Variants in NBPF26 observed in about 807,000 individuals in gnomAD.
NBPF26 encodes NBPF family member NBPF26.
Under a neutral mutation model 119.6 loss-of-function variants are expected in NBPF26, and 79 were observed. The observed-to-expected ratio is 0.66, with a 90% confidence interval of 0.55 to 0.80. NBPF26 has a LOEUF of 0.80. Among genes scored for constraint, NBPF26 ranks in the 30% least tolerant of loss-of-function variants. The pLI is 0.00. For missense variants in NBPF26, 800 were observed against 1,198.2 expected, an observed-to-expected ratio of 0.67 and a Z score of 4.91; for synonymous variants, 299 against 457.7, an observed-to-expected ratio of 0.65 and a Z score of 4.43.
intron 2 of NBPF26, among the ~76,000 whole-genome samples, chr1:120,765,293 C>G (rs1261394589): frequency 1.4e-5 from 1 of 69,910 alleles, no homozygotes; most frequent in Non-Finnish European, 2.5e-5. Context: ...CATTTGGTGC[C>G]TTAGTTGCTT....
Position 120,804,668 on chromosome 1 carries a change from G to A in NBPF26, c.752-888G>A, listed in dbSNP as rs1385075489. ...CTATAAGTGACAAGTTTAAAATGTA[G>A]TGCTCAGTGACATTAAAAAACACAT... On this transcript the variant is annotated intron_variant, in intron 4 of 29. Coordinates refer to ENST00000620612, the Ensembl canonical transcript of NBPF26. Among the ~76,000 whole-genome samples the A allele has an allele frequency of 3.3e-5, 4 of 119,906 alleles. 1 individual carries two copies. Among genetic ancestry groups the A allele is most frequent in the African/African-American group, 8.9e-5 (2 of 22,428 alleles). 78.7% of individuals were successfully genotyped at this position (119,906 alleles called of 152,430 possible).
chr1:120,743,763 G>C (rs1650955552), intron 1 of NBPF26, among the ~76,000 whole-genome samples: 2 of 123,646 alleles, frequency 1.6e-5, no homozygotes, highest in Middle Eastern at 3.6e-3. Context: ...CTGCATTCCA[G>C]AAGTTCTGGT....
At chr1:120,840,203 A>G (rs1652479098) in intron 29 of NBPF26, 147 bp from the exon 36 acceptor site, 1 of 1,150,480 alleles carries the variant, frequency 8.7e-7, no homozygotes, top group Non-Finnish European at 1.2e-6. Flanking sequence ...ATCCCAACAT[A>G]AAGGCAATAA....
At position 120,763,179 on chromosome 1, in the gene NBPF26, T is replaced by G. The variant is rs1651151647; in HGVS notation, c.74-449T>G. On this transcript the variant is annotated intron_variant, in intron 1 of 29. Coordinates refer to ENST00000620612, the Ensembl canonical transcript of NBPF26. ...TGTTATTGCTGTTTCTGATTACTTCTTGAAGCGGTCTGTTTTAAAACTTCA... is the reference window on the plus strand; with the variant it reads ...TGTTATTGCTGTTTCTGATTACTTCGTGAAGCGGTCTGTTTTAAAACTTCA... 8.3e-5 allele frequency among the ~76,000 whole-genome samples: 3 copies of G among 35,946 alleles called. 1 individual carries two copies. Among genetic ancestry groups the G allele is most frequent in the Non-Finnish European group, 1.4e-4 (3 of 20,866 alleles). 23.6% of individuals were successfully genotyped at this position (35,946 alleles called of 152,430 possible).
In NBPF26 at chr1:120,724,069, G is replaced by A. The variant is rs1650784630; in HGVS notation, c.-109G>A. On this transcript the variant is annotated 5_prime_UTR_variant, in exon 1 of 30. Coordinates refer to ENST00000620612, the Ensembl canonical transcript of NBPF26. ...CAGGGCCTGAGCCTTTGAAGCAGGAGGAGGGGAGGAGAGAGTGGGGCTCCT... is the reference window on the plus strand; with the variant it reads ...CAGGGCCTGAGCCTTTGAAGCAGGAAGAGGGGAGGAGAGAGTGGGGCTCCT... The A allele has an allele frequency of 1.9e-5, 25 of 1,295,724 alleles. 4 individuals are homozygous for A. The highest frequency in any genetic ancestry group is 3.3e-5 in the Admixed American group (1 of 30,540). The allele number at this position is 1,295,724 out of a possible 1,614,324, so 80.3% of individuals were successfully genotyped here. A position where few individuals can be genotyped will look rare whatever the true frequency, so the allele number is the denominator to read the frequency against.
At chr1:120,770,301 C>A (rs1383933784) in intron 2 of NBPF26, among the ~76,000 whole-genome samples, 1 of 107,742 alleles carries the variant, frequency 9.3e-6, no homozygotes, top group Non-Finnish European at 1.7e-5. Flanking sequence ...TCTCAAGTAG[C>A]CGGGACTATA....
At chr1:120,777,640 G>T (rs1651313475) in intron 2 of NBPF26, among the ~76,000 whole-genome samples, 2 of 28,468 alleles carry the variant, frequency 7.0e-5, no homozygotes, top group Non-Finnish European at 1.1e-4. Context: ...GTAAGCTATA[G>T]TATTTCCTTT....
At chr1:120,808,088 CTCAA>C (rs1651748966) in intron 6 of NBPF26, among the ~76,000 whole-genome samples, 1 of 119,616 alleles carries the variant, frequency 8.4e-6, no homozygotes, top group South Asian at 2.6e-4. Flanking sequence ...CATTCTTTCA[CTCAA>C]TCAATGTTGC....
In NBPF26 at chr1:120,763,649, A is replaced by G. The variant is rs2101409096; in HGVS notation, c.95A>G (p.Tyr32Cys). Reference sequence around the variant, plus strand: ...TTAGCATTGCAGTGTCGAGATGGCTATGAACCCTGTGTAAATAAAGGAATG... The same window carrying G: ...TTAGCATTGCAGTGTCGAGATGGCTGTGAACCCTGTGTAAATAAAGGAATG... The change falls in exon 2 of 30, where the codon TAT (tyrosine) becomes TGT (cysteine). Residue 32 changes from tyrosine (Y) to cysteine (C), a missense_variant. By Grantham distance (194) the Tyr-to-Cys change is radical (BLOSUM62 -2). This residue lies in a region of NBPF26 where 209 missense variants were observed against 285.2 expected (regional missense o/e 0.73). Coordinates refer to ENST00000620612, the Ensembl canonical transcript of NBPF26. The G allele has an allele frequency of 4.1e-5, 57 of 1,406,740 alleles. 10 individuals carry two copies. The South Asian group carries it at 6.4e-4, about 16-fold the overall frequency. The allele number at this position is 1,406,740 out of a possible 1,614,324, so 87.1% of individuals were successfully genotyped here.
rs1370423221 is a variant in NBPF26, at chr1:120,807,331, G to C, written c.962-276G>C. Among the ~76,000 whole-genome samples, 7 of 124,964 alleles carry C rather than the reference G, an allele frequency of 5.6e-5. 1 individual carries two copies. The highest frequency in any genetic ancestry group is 1.9e-4 in the African/African-American group (5 of 25,820). 82.0% of individuals were successfully genotyped at this position (124,964 alleles called of 152,430 possible). ...GCCCCGCATTCAGAGTCAGACCTCA[G>C]GGACTGTGAGTTCTGACTCCACTTC... On this transcript the variant is annotated intron_variant, in intron 5 of 29. Coordinates refer to ENST00000620612, the Ensembl canonical transcript of NBPF26.
chr1:120,840,595 C>G, exon 30 of NBPF26: 1 of 1,462,818 alleles, frequency 6.8e-7, no homozygotes, highest in East Asian at 2.3e-5. Context: ...CCACAATAAG[C>G]AGCCCTTACT....
At chr1:120,805,868 G>C in intron 5 of NBPF26, 103 bp downstream of exon 5, 3 of 942,728 alleles carry the variant, frequency 3.2e-6, no homozygotes, top group Non-Finnish European at 4.6e-6. Flanking sequence ...CATCCTTCCT[G>C]TACTTCTAGG....
rs1652175366 is a variant in NBPF26, at chr1:120,823,567, G to A, written c.2639+207G>A. 1.7e-5 allele frequency among the ~76,000 whole-genome samples: 2 copies of A among 115,882 alleles called. 1 individual carries two copies. Among genetic ancestry groups the A allele is most frequent in the African/African-American group, 1.0e-4 (2 of 19,688 alleles). 76.0% of individuals were successfully genotyped at this position (115,882 alleles called of 152,430 possible). On this transcript the variant is annotated intron_variant, in intron 17 of 29. Transcript: ENST00000620612. ...CTTATCATTTACTAACCTAGTGAAAGTTGACCATACCTCAAAAGCTGTATT... is the reference window on the plus strand; with the variant it reads ...CTTATCATTTACTAACCTAGTGAAAATTGACCATACCTCAAAAGCTGTATT...
At position 120,784,991 on chromosome 1, in the gene NBPF26, TG is replaced by T; in HGVS notation, c.178del (p.Glu60AsnfsTer57). On this transcript the variant is annotated frameshift_variant, in exon 3 of 30. Transcript: ENST00000620612. LOFTEE classifies it high-confidence loss of function. ...CCATACAGATGTCCAGAAGGCTTCT[TG>T]GGGGAATATTGTCAACATCGAGACC... 2 of 1,420,958 alleles carry T rather than the reference TG, an allele frequency of 1.4e-6. No homozygotes were observed. The highest frequency in any genetic ancestry group is 2.4e-5 in the South Asian group (2 of 82,326). 88.0% of individuals were successfully genotyped at this position (1,420,958 alleles called of 1,614,324 possible).
chr1:120,792,501 A>G (rs1481147503), intron 3 of NBPF26, among the ~76,000 whole-genome samples: 1 of 106,956 alleles, frequency 9.3e-6, no homozygotes, highest in Non-Finnish European at 1.8e-5. Flanking sequence ...ACAGAAGGGA[A>G]GTTGATTTTT....
At chr1:120,804,315 C>A (rs1651624487) in intron 4 of NBPF26, among the ~76,000 whole-genome samples, 1 of 108,120 alleles carries the variant, frequency 9.2e-6, no homozygotes, top group South Asian at 2.6e-4. Context: ...TCACCTCAAA[C>A]TCACCTTCTA....
At position 120,805,641 on chromosome 1, in the gene NBPF26, T is replaced by C; in HGVS notation, c.837T>C (p.Ile279=). 2 of 1,461,708 alleles carry C rather than the reference T, an allele frequency of 1.4e-6. 1 individual carries two copies. Among genetic ancestry groups the C allele is most frequent in the African/African-American group, 4.1e-5 (2 of 49,372 alleles). 90.5% of individuals were successfully genotyped at this position (1,461,708 alleles called of 1,614,324 possible). The change falls in exon 5 of 30, where the codon ATT becomes ATC. Residue 279 remains isoleucine, a synonymous_variant. Transcript: ENST00000620612. ...CCAGTGAGAAGGCAGAGATGAACAT[T>C]CTAGAAATCAACGAGACATTGCGCC... is the stretch of plus-strand genomic sequence containing the variant.
chr1:120,764,092 C>T (rs1478670687), intron 2 of NBPF26, among the ~76,000 whole-genome samples: 1 of 107,934 alleles, frequency 9.3e-6, no homozygotes, highest in East Asian at 2.2e-4. Flanking sequence ...ACTAAAAATA[C>T]AAAAATTAGC....
At chr1:120,804,801 A>G (rs1651639726) in intron 4 of NBPF26, among the ~76,000 whole-genome samples, 1 of 117,728 alleles carries the variant, frequency 8.5e-6, no homozygotes, top group Non-Finnish European at 1.6e-5. Context: ...CAATCTAACA[A>G]TGGGATGCAG....
Sources: gnomAD v4.1 joint callset for allele counts (sites outside exome capture counted in the v4.1 genomes callset) on GRCh38, gnomAD v4.1.1 for gene constraint, gnomAD v4.1.1 regional missense constraint, MANE v1.5 for transcripts, NCBI Gene and HGNC (gene_info 2026-07-23, HGNC 2026-07-21) for gene names.